FKTN: variants seen among roughly 807,000 people sequenced by gnomAD.
FKTN encodes fukutin, also known as ribitol-5-phosphate transferase FKTN.
In FKTN, 47 loss-of-function variants were observed where a neutral mutation model predicts 58.6. The ratio of observed to expected loss-of-function variants is 0.80; its 90% CI spans 0.63 to 1.02. The LOEUF is 1.02. FKTN is among the 50% of genes least tolerant of loss of function. The probability of loss-of-function intolerance (pLI) is 0.00; values close to 1 mark genes in which losing one functional copy is unlikely to be tolerated. For missense variants in FKTN, 516 were observed against 537.3 expected (o/e 0.96, Z 0.39); for synonymous variants, 178 against 191.9 (o/e 0.93, Z 0.60).
chr9:105,638,729 T>C lies in FKTN; in HGVS notation c.*3465T>C, dbSNP rs1294046312. On this transcript the variant is annotated 3_prime_UTR_variant, in exon 11 of 11. Coordinates refer to ENST00000357998, the MANE Select transcript of FKTN (RefSeq NM_001079802.2). ...TGGCTGGAAAGGAGACTAGAGTATC[T>C]AGTTTTTAGTATTTAAACTACTTTT... 7.1e-6 allele frequency: 7 copies of C among 979,060 alleles called. No homozygotes were observed. In the East Asian group the frequency reaches 6.8e-4, roughly 95 times the overall value. 60.6% of individuals were successfully genotyped at this position (979,060 alleles called of 1,614,324 possible). A position where few individuals can be genotyped will look rare whatever the true frequency, so the allele number is the denominator to read the frequency against.
In FKTN at chr9:105,604,456, A is replaced by C. The variant is rs1564292744; in HGVS notation, c.611A>C (p.Lys204Thr). Reference protein sequence around the residue: ...HIDRKFVPFRKLQFGRYPGAF... With the variant: ...HIDRKFVPFRTLQFGRYPGAF... Reference sequence around the variant, plus strand: ...GACAGGAAATTTGTTCCCTTCCGAAAGTTACAGTTTGGTCGTTATCCAGGA... The same window carrying C: ...GACAGGAAATTTGTTCCCTTCCGAACGTTACAGTTTGGTCGTTATCCAGGA... The change falls in exon 6 of 11, where the codon AAG becomes ACG. Residue 204 changes from lysine to threonine, a missense_variant. Transcript: ENST00000357998. 6.2e-7 allele frequency: 1 copy of C among 1,614,168 alleles called. No individual in the cohort carries two copies. Among genetic ancestry groups the C allele is most frequent in the East Asian group, 2.2e-5 (1 of 44,886 alleles).
intron 3 of FKTN, among the ~76,000 whole-genome samples, chr9:105,590,283 A>G (rs903687734): frequency 6.6e-6 from 1 of 152,070 alleles, no homozygotes; most frequent in African/African-American, 2.4e-5. Flanking sequence ...CTTTTGCTTG[A>G]TTCTGATTTT....
chr9:105,610,323 T>C (rs1274448449), intron 7 of FKTN, among the ~76,000 whole-genome samples: 1 of 152,062 alleles, frequency 6.6e-6, no homozygotes, highest in Non-Finnish European at 1.5e-5. Context: ...GTAGGGTGTA[T>C]ATGTCTGTGT....
intron 10 of FKTN, among the ~76,000 whole-genome samples, chr9:105,632,763 A>G (rs1001454233): frequency 4.6e-5 from 7 of 152,210 alleles, no homozygotes; most frequent in Admixed American, 1.3e-4. Context: ...AATGGATGGA[A>G]GGATTTTTTT....
chr9:105,626,696 T>G (rs1444529460), intron 10 of FKTN, among the ~76,000 whole-genome samples: 1 of 152,220 alleles, frequency 6.6e-6, no homozygotes, highest in Non-Finnish European at 1.5e-5. Context: ...CCAAGTTATA[T>G]TCCAGTATGT....
chr9:105,625,232 G>A (rs1832606668), intron 10 of FKTN, among the ~76,000 whole-genome samples: 1 of 152,202 alleles, frequency 6.6e-6, no homozygotes, highest in South Asian at 2.1e-4. Context: ...AACGTGTAAA[G>A]AGTACTGATT....
chr9:105,567,826 C>A (rs534045029), intron 1 of FKTN, among the ~76,000 whole-genome samples: 5 of 152,080 alleles, frequency 3.3e-5, no homozygotes, highest in East Asian at 1.9e-4. Context: ...AAGAGCCCGC[C>A]TTGCCAAGTC....
At chr9:105,602,518 T>G (rs1828059991) in intron 5 of FKTN, among the ~76,000 whole-genome samples, 1 of 152,158 alleles carries the variant, frequency 6.6e-6, no homozygotes, top group African/African-American at 2.4e-5. Context: ...TCAAGTTTAT[T>G]CTTCGTTTGT....
chr9:105,581,923 C>T (rs1201718138), intron 3 of FKTN, among the ~76,000 whole-genome samples: 4 of 152,120 alleles, frequency 2.6e-5, no homozygotes, highest in Non-Finnish European at 4.4e-5. Context: ...GGGAGTGACC[C>T]GATTTTCCAG....
At chr9:105,590,007 G>A (rs1312141534) in intron 3 of FKTN, among the ~76,000 whole-genome samples, 1 of 152,150 alleles carries the variant, frequency 6.6e-6, no homozygotes, top group Non-Finnish European at 1.5e-5. Context: ...AGTGAGACTG[G>A]GAAACAGGAA....
chr9:105,632,283 C>T (rs992748563), intron 10 of FKTN, among the ~76,000 whole-genome samples: 7 of 150,802 alleles, frequency 4.6e-5, no homozygotes, highest in African/African-American at 1.5e-4. Context: ...TGGTGGGAGG[C>T]GGGAGGGATA....
At position 105,604,370 on chromosome 9, in the gene FKTN, C is replaced by G. The variant is rs1261817561; in HGVS notation, c.525C>G (p.Val175=). The G allele has an allele frequency of 1.2e-6, 2 of 1,614,132 alleles. No individual in the cohort carries two copies. Among genetic ancestry groups the G allele is most frequent in the Non-Finnish European group, 1.7e-6 (2 of 1,179,980 alleles). The change falls in exon 6 of 11, where the codon GTC becomes GTG. Residue 175 remains valine (V), a synonymous_variant. Transcript: ENST00000357998. ...KLATHAIHLV[V]FHERSGNYLW... ...CCACTCATGCGATCCACTTGGTAGT[C>G]TTTCATGAGAGGAGTGGCAACTACC...
chr9:105,629,281 G>C (rs1833112001), intron 10 of FKTN, among the ~76,000 whole-genome samples: 1 of 152,166 alleles, frequency 6.6e-6, no homozygotes, highest in Non-Finnish European at 1.5e-5. Flanking sequence ...AAGAGAAAAA[G>C]GGTCTGAGAT....
chr9:105,582,046 A>G (rs1429306137), intron 3 of FKTN, among the ~76,000 whole-genome samples: 3 of 152,042 alleles, frequency 2.0e-5, no homozygotes, highest in Non-Finnish European at 4.4e-5. Flanking sequence ...GCGCGCACCC[A>G]CTAGCCTGCG....
intron 3 of FKTN, among the ~76,000 whole-genome samples, chr9:105,591,353 T>A (rs1844835830): frequency 1.3e-5 from 2 of 152,188 alleles, no homozygotes; most frequent in Non-Finnish European, 2.9e-5. Context: ...ATTAGTTAGT[T>A]ACTCCCAAGA....
intron 3 of FKTN, among the ~76,000 whole-genome samples, chr9:105,581,755 C>T (rs1264416228): frequency 2.0e-5 from 3 of 152,180 alleles, no homozygotes; most frequent in African/African-American, 7.2e-5. Flanking sequence ...GGCGGGCGCC[C>T]CTCCCCCAGC....
intron 3 of FKTN, among the ~76,000 whole-genome samples, chr9:105,587,863 T>C (rs1844180626): frequency 6.6e-6 from 1 of 152,158 alleles, no homozygotes; most frequent in African/African-American, 2.4e-5. Context: ...AGAACTGCAG[T>C]GGCTTGGGAG....
intron 7 of FKTN, among the ~76,000 whole-genome samples, chr9:105,609,398 T>A (rs936538717): frequency 2.0e-5 from 3 of 152,102 alleles, no homozygotes; most frequent in Non-Finnish European, 2.9e-5. Context: ...TTCAAAAAAT[T>A]TAGTATTTTT....
intron 1 of FKTN, among the ~76,000 whole-genome samples, chr9:105,567,808 A>G (rs752879098): frequency 6.6e-6 from 1 of 152,184 alleles, no homozygotes; most frequent in Non-Finnish European, 1.5e-5. Context: ...GTTCATATGG[A>G]AGCAAAAAAG....
Sources: allele counts gnomAD v4.1 joint callset (sites outside exome capture counted in the v4.1 genomes callset), GRCh38; gene constraint gnomAD v4.1.1; transcripts MANE v1.5; gene names NCBI Gene and HGNC (gene_info 2026-07-23, HGNC 2026-07-21).